The following PRKG1 variants were observed in gnomAD, a reference collection of about 807,000 sequenced individuals.
The protein encoded by PRKG1 is cGMP-dependent protein kinase 1.
A neutral mutation model predicts 88.1 loss-of-function variants in PRKG1; 35 were observed. The observed-to-expected ratio is 0.40, with a 90% CI of 0.30 to 0.53. PRKG1 has a LOEUF of 0.53. PRKG1 is among the 20% of genes least tolerant of loss of function. The probability of loss-of-function intolerance (pLI) is 0.59; values close to 1 mark genes in which losing one functional copy is unlikely to be tolerated. For missense variants in PRKG1, 540 were observed against 839.8 expected, an observed-to-expected ratio of 0.64 and a Z score of 4.41; for synonymous variants, 303 against 292.5, an observed-to-expected ratio of 1.04 and a Z score of -0.37.
intron 2 of PRKG1, among the ~76,000 whole-genome samples, chr10:51,352,121 G>T (rs1842261956): frequency 6.6e-6 from 1 of 151,600 alleles, no homozygotes; most frequent in African/African-American, 2.4e-5. Context: ...TTTGGTACCA[G>T]TACCATGCTG....
intron 2 of PRKG1, among the ~76,000 whole-genome samples, chr10:51,461,892 G>C (rs554054321): frequency 6.6e-6 from 1 of 152,240 alleles, no homozygotes; most frequent in Non-Finnish European, 1.5e-5. Context: ...TTCTTACTGG[G>C]TGACAGCACC....
chr10:51,997,692 T>A (rs1175881702), intron 5 of PRKG1, among the ~76,000 whole-genome samples: 2 of 152,208 alleles, frequency 1.3e-5, no homozygotes, highest in East Asian at 3.9e-4. Flanking sequence ...ACGCAATAAA[T>A]ACATACATAC....
intron 3 of PRKG1, among the ~76,000 whole-genome samples, chr10:51,650,805 C>T (rs1325163213): frequency 6.6e-6 from 1 of 152,172 alleles, no homozygotes; most frequent in Non-Finnish European, 1.5e-5. Context: ...TGAGATGTTA[C>T]CCCCACCCTA....
chr10:52,036,455 A>G (rs1162688103), intron 5 of PRKG1, among the ~76,000 whole-genome samples: 2 of 150,882 alleles, frequency 1.3e-5, no homozygotes, highest in African/African-American at 4.9e-5. Flanking sequence ...GCCATGCTGT[A>G]GCAGGCAAGT....
chr10:52,074,371 A>G (rs1471509598), intron 7 of PRKG1, among the ~76,000 whole-genome samples: 1 of 152,160 alleles, frequency 6.6e-6, no homozygotes, highest in East Asian at 1.9e-4. Context: ...ACTTTTCCAT[A>G]AAATGGTTTA....
chr10:52,144,012 C>G (rs1037579792), intron 8 of PRKG1, among the ~76,000 whole-genome samples: 2 of 152,088 alleles, frequency 1.3e-5, no homozygotes, highest in Admixed American at 6.6e-5. Context: ...ACTTGGGGAA[C>G]ATTGAGGATG....
chr10:51,937,761 T>A (rs1842826306), intron 5 of PRKG1, among the ~76,000 whole-genome samples: 1 of 152,004 alleles, frequency 6.6e-6, no homozygotes, highest in Non-Finnish European at 1.5e-5. Context: ...AGTGCCAAAG[T>A]CCAAAAATTC....
chr10:51,825,002 GT>G (rs1839848569), intron 4 of PRKG1, among the ~76,000 whole-genome samples: 1 of 152,092 alleles, frequency 6.6e-6, no homozygotes, highest in African/African-American at 2.4e-5. Context: ...ATAAAAAATA[GT>G]TTTTCTCAAA....
chr10:51,667,158 C>T lies in PRKG1; in HGVS notation c.593-137427C>T, dbSNP rs185782255. 4.6e-5 allele frequency among the ~76,000 whole-genome samples: 7 copies of T among 152,116 alleles called. No homozygotes were observed. The East Asian group carries it at 9.6e-4, about 21-fold the overall frequency. On this transcript the variant is annotated intron_variant, in intron 3 of 17. Coordinates refer to ENST00000373980, the MANE Select transcript of PRKG1 (RefSeq NM_006258.4). ...TTGTTAATTATATATAAATGTACTG[C>T]CAAAAGCAATATCTCAATATTATTT...
intron 2 of PRKG1, among the ~76,000 whole-genome samples, chr10:51,286,592 A>G (rs188496599): frequency 6.6e-6 from 1 of 152,252 alleles, no homozygotes; most frequent in Admixed American, 6.5e-5. Context: ...TTTTTAACTG[A>G]CATATACAGT....
chr10:51,896,236 G>C (rs543552461), intron 4 of PRKG1, among the ~76,000 whole-genome samples: 2 of 152,216 alleles, frequency 1.3e-5, no homozygotes, highest in South Asian at 4.2e-4. Context: ...ATTACTGAAG[G>C]TCTTAAATAA....
intron 2 of PRKG1, among the ~76,000 whole-genome samples, chr10:51,444,127 C>G (rs74480586): frequency 6.7e-6 from 1 of 149,666 alleles, no homozygotes; most frequent in East Asian, 2.0e-4. Flanking sequence ...GCAATATTAT[C>G]AAGGAAGTGT....
intron 3 of PRKG1, among the ~76,000 whole-genome samples, chr10:51,621,108 G>GTA (rs1839200973): frequency 6.7e-6 from 1 of 149,478 alleles, no homozygotes; most frequent in Admixed American, 6.7e-5. Context: ...GTGTGTGTGT[G>GTA]TATATATATG....
At chr10:51,330,254 G>T (rs1301484013) in intron 2 of PRKG1, among the ~76,000 whole-genome samples, 1 of 151,238 alleles carries the variant, frequency 6.6e-6, no homozygotes, top group Non-Finnish European at 1.5e-5. Flanking sequence ...GAGTTCAAGT[G>T]ATTCTCCTGC....
chr10:51,364,030 A>T (rs1025725738), intron 2 of PRKG1, among the ~76,000 whole-genome samples: 3 of 151,930 alleles, frequency 2.0e-5, no homozygotes, highest in East Asian at 3.9e-4. Context: ...AGAAACACTG[A>T]CCTCTCTTTT....
At chr10:52,292,408 A>C (rs1352074170) in intron 17 of PRKG1, among the ~76,000 whole-genome samples, 2 of 151,964 alleles carry the variant, frequency 1.3e-5, no homozygotes, top group Non-Finnish European at 2.9e-5. Context: ...CTAACGTTTA[A>C]GTCTTTAATC....
chr10:51,973,273 T>C (rs1180487588), intron 5 of PRKG1, among the ~76,000 whole-genome samples: 1 of 152,196 alleles, frequency 6.6e-6, no homozygotes, highest in Non-Finnish European at 1.5e-5. Context: ...ACCTTGCTGT[T>C]ACTCAGCAGT....
intron 2 of PRKG1, among the ~76,000 whole-genome samples, chr10:51,362,895 TG>T (rs1199262015): frequency 6.6e-6 from 1 of 151,942 alleles, no homozygotes; most frequent in Non-Finnish European, 1.5e-5. Context: ...TTTCTGTTCC[TG>T]TGTTAGTTTG....
intron 3 of PRKG1, among the ~76,000 whole-genome samples, chr10:51,596,843 G>A (rs1430234224): frequency 1.3e-5 from 2 of 152,120 alleles, no homozygotes; most frequent in Non-Finnish European, 2.9e-5. Context: ...AGACTGTAAA[G>A]GCCTATTCAA....
Sources: gnomAD v4.1 joint callset for allele counts (sites outside exome capture counted in the v4.1 genomes callset) on GRCh38, gnomAD v4.1.1 for gene constraint, MANE v1.5 for transcripts, NCBI Gene and HGNC (gene_info 2026-07-23, HGNC 2026-07-21) for gene names.